Variants in SESTD1 observed in about 807,000 individuals in gnomAD.
SESTD1 encodes SEC14 domain and spectrin repeat-containing protein 1.
In SESTD1, 43 loss-of-function variants were observed where a neutral mutation model predicts 101.7. The ratio of observed to expected loss-of-function variants is 0.42; its 90% confidence interval spans 0.33 to 0.55. The LOEUF (loss-of-function observed/expected upper bound fraction) is 0.55, where lower values mean the gene tolerates loss of function less well. Ranked by LOEUF, SESTD1 falls within the 20% of genes least tolerant of loss-of-function variation. The pLI, the probability that SESTD1 is intolerant of heterozygous loss-of-function variation, is 0.07. For synonymous variants in SESTD1, 283 were observed against 286.8 expected, an observed-to-expected ratio of 0.99 and a Z score of 0.13; for missense variants, 647 against 815.1, an observed-to-expected ratio of 0.79 and a Z score of 2.51.
At chr2:179,221,335 G>A (rs1008642033) in intron 1 of SESTD1, among the ~76,000 whole-genome samples, 2 of 151,202 alleles carry the variant, frequency 1.3e-5, no homozygotes, top group South Asian at 2.1e-4. Context: ...AAATGGGGCT[G>A]GGTGCAGTGG....
At chr2:179,163,265 G>T (rs576419560) in intron 5 of SESTD1, among the ~76,000 whole-genome samples, 2 of 152,028 alleles carry the variant, frequency 1.3e-5, no homozygotes, top group Non-Finnish European at 2.9e-5. Context: ...ATTTGCATTA[G>T]AGTCATGATT....
intron 9 of SESTD1, among the ~76,000 whole-genome samples, chr2:179,139,849 G>A (rs2045238421): frequency 6.6e-6 from 1 of 152,038 alleles, no homozygotes; most frequent in Non-Finnish European, 1.5e-5. Context: ...AGAACTCCTC[G>A]AAGAGATGGA....
At position 179,211,174 on chromosome 2, in the gene SESTD1, T is replaced by G. The variant is rs568759188; in HGVS notation, c.-25-19308A>C. On this transcript the variant is annotated intron_variant, in intron 1 of 17. Transcript: ENST00000428443. ...AAAAGAAATCATAGACACAAACAAA[T>G]GGAAACACATCCCATGCTCACGGAT... is the stretch of plus-strand genomic sequence containing the variant. Among the ~76,000 whole-genome samples, 2 of 130,590 alleles carry G rather than the reference T, an allele frequency of 1.5e-5. 1 individual carries two copies. Among genetic ancestry groups the G allele is most frequent in the Non-Finnish European group, 3.3e-5 (2 of 61,380 alleles). 85.7% of individuals were successfully genotyped at this position (130,590 alleles called of 152,430 possible). A position where few individuals can be genotyped will look rare whatever the true frequency, so the allele number is the denominator to read the frequency against.
At chr2:179,193,528 T>C (rs1421366769) in intron 1 of SESTD1, among the ~76,000 whole-genome samples, 2 of 152,224 alleles carry the variant, frequency 1.3e-5, no homozygotes, top group South Asian at 2.1e-4. Context: ...GACCAGCTTG[T>C]TGAAGACCTG....
At chr2:179,262,866 C>G (rs1214366813) in intron 1 of SESTD1, among the ~76,000 whole-genome samples, 1 of 152,150 alleles carries the variant, frequency 6.6e-6, no homozygotes, top group South Asian at 2.1e-4. Flanking sequence ...CAAGTAGATG[C>G]AACTTTGTGA....
intron 15 of SESTD1, among the ~76,000 whole-genome samples, chr2:179,115,665 T>C (rs973088327): frequency 4.6e-5 from 7 of 152,132 alleles, no homozygotes; most frequent in Admixed American, 2.6e-4. Flanking sequence ...GGAGGATCAC[T>C]TCAGCCCAGG....
At chr2:179,176,375 G>A in intron 4 of SESTD1, 73 bp downstream of exon 4, 1 of 1,120,056 alleles carries the variant, frequency 8.9e-7, no homozygotes, top group Non-Finnish European at 1.3e-6. Context: ...TAAATTAAAT[G>A]CATTTGCCAT....
Position 179,121,936 on chromosome 2 carries a change from CAA to C in SESTD1, c.1283-9_1283-8del. ...AAACCTTGCAATCCCACATCTAAAA[CAA>C]AAGTTACTAGATTTAATCTCTTACA... On this transcript the variant is annotated splice_region_variant and splice_polypyrimidine_tract_variant and intron_variant, in intron 12 of 17. Transcript: ENST00000428443. 6.3e-7 allele frequency: 1 copy of C among 1,593,248 alleles called. No individual in the cohort carries two copies. Among genetic ancestry groups the C allele is most frequent in the South Asian group, 1.1e-5 (1 of 87,140 alleles).
chr2:179,132,797 C>A (rs1490170669), intron 9 of SESTD1, among the ~76,000 whole-genome samples: 3 of 152,138 alleles, frequency 2.0e-5, no homozygotes, highest in Non-Finnish European at 2.9e-5. Flanking sequence ...AGTCAAAGTT[C>A]TTAACTAACA....
chr2:179,185,793 T>C (rs1289163893), intron 2 of SESTD1, among the ~76,000 whole-genome samples: 15 of 129,564 alleles, frequency 1.2e-4, no homozygotes, highest in Non-Finnish European at 1.7e-4. Flanking sequence ...TAGTATACAA[T>C]ATATAATATA....
rs779455960 is a variant in SESTD1 at position 179,123,822 on chromosome 2, T to C, written c.1175A>G (p.Gln392Arg). ...EFHGVAQDLS[Q>R]QLDGLLGMLC... is the part of the protein sequence containing the mutation. The stretch of plus-strand genomic sequence containing the variant: ...CATCCCTAATAAGCCATCCAACTGC[T>C]GAGACAACTAAAGCAGAGGGACACC... Residue 392 changes from glutamine to arginine, a missense_variant, in exon 12 of 18, where the codon CAG becomes CGG. Gln to Arg is a conservative substitution (Grantham distance 43, BLOSUM62 1). Coordinates refer to ENST00000428443, the MANE Select transcript of SESTD1 (RefSeq NM_178123.5). 8.1e-6 allele frequency: 13 copies of C among 1,612,966 alleles called. No homozygotes were observed. Among genetic ancestry groups the C allele is most frequent in the African/African-American group, 1.3e-5 (1 of 74,890 alleles).
intron 1 of SESTD1, among the ~76,000 whole-genome samples, chr2:179,240,457 G>C (rs934157881): frequency 6.6e-6 from 1 of 152,044 alleles, no homozygotes; most frequent in Non-Finnish European, 1.5e-5. Flanking sequence ...ACTGACTAGG[G>C]GCCTCAGGAC....
intron 10 of SESTD1, among the ~76,000 whole-genome samples, chr2:179,129,347 T>C (rs1227420623): frequency 2.0e-5 from 3 of 152,238 alleles, no homozygotes; most frequent in Non-Finnish European, 4.4e-5. Flanking sequence ...CTTTTAAATT[T>C]ATTGTCAGTT....
chr2:179,225,090 T>C (rs1428479215), intron 1 of SESTD1, among the ~76,000 whole-genome samples: 1 of 152,140 alleles, frequency 6.6e-6, no homozygotes, highest in Non-Finnish European at 1.5e-5. Context: ...ACCCTCAACC[T>C]GAGGGATCTG....
intron 2 of SESTD1, among the ~76,000 whole-genome samples, chr2:179,188,901 C>A (rs2046277075): frequency 2.0e-5 from 3 of 151,932 alleles, no homozygotes; most frequent in Admixed American, 6.6e-5. Flanking sequence ...CCTCAACAGC[C>A]CAATATTGAG....
At chr2:179,148,137 A>C (rs1466489397) in intron 7 of SESTD1, among the ~76,000 whole-genome samples, 3 of 152,232 alleles carry the variant, frequency 2.0e-5, no homozygotes, top group Non-Finnish European at 4.4e-5. Flanking sequence ...TTTTGTGTTA[A>C]AACTATGATC....
chr2:179,184,736 C>G (rs2046180718), intron 2 of SESTD1, among the ~76,000 whole-genome samples: 1 of 152,112 alleles, frequency 6.6e-6, no homozygotes. Context: ...ATTTACTCCT[C>G]AAAATTGCTA....
In SESTD1 at chr2:179,151,335, T is replaced by C. The variant is rs1368957055; in HGVS notation, c.426A>G (p.Thr142=). The change falls in exon 6 of 18, where the codon ACA becomes ACG. Residue 142 remains threonine (T), a synonymous_variant. Transcript: ENST00000428443. The stretch of plus-strand genomic sequence containing the variant: ...AGGTGAGACTCCCACCAAAATCTTC[T>C]GTTAATTGGCATGGTTCTATATAAC... ...LTRYIEPCQL[T]EDFGGSLTYD... The C allele has an allele frequency of 6.2e-7, 1 of 1,609,446 alleles. No individual in the cohort carries two copies. The highest frequency in any genetic ancestry group is 1.7e-5 in the Admixed American group (1 of 59,378).
intron 1 of SESTD1, among the ~76,000 whole-genome samples, chr2:179,253,246 C>T (rs1287774905): frequency 6.6e-6 from 1 of 151,784 alleles, no homozygotes. Context: ...AAAAAAAAAA[C>T]ACCTCTGAGA....
Sources: allele counts gnomAD v4.1 joint callset (sites outside exome capture counted in the v4.1 genomes callset), GRCh38; gene constraint gnomAD v4.1.1; transcripts MANE v1.5; gene names NCBI Gene and HGNC (gene_info 2026-07-23, HGNC 2026-07-21).